S100Z: variants seen among roughly 807,000 people sequenced by gnomAD.
S100Z encodes the protein S100 calcium binding protein Z.
S100Z carries 11 observed loss-of-function variants against 8.5 expected under a neutral mutation model. That is an observed-to-expected ratio of 1.30 (90% confidence interval 0.82 to 2.15). The LOEUF is 2.15. Ranked by LOEUF, S100Z falls within the 30% of genes most tolerant of loss-of-function variation. The pLI is 0.00. For synonymous variants in S100Z, 34 were observed against 43.8 expected (o/e 0.78, Z 0.89); for missense variants, 126 against 117.9 (o/e 1.07, Z -0.32).
intron 1 of S100Z, among the ~76,000 whole-genome samples, chr5:76,854,345 T>A (rs1453439681): frequency 6.6e-6 from 1 of 152,170 alleles, no homozygotes; most frequent in African/African-American, 2.4e-5. Context: ...ACTTGTTGAA[T>A]GGTAGTGACC....
At chr5:76,948,690 AG>A in the S100Z span, 1 of 152,216 alleles carries the variant, frequency 6.6e-6, no homozygotes, top group African/African-American at 2.4e-5. Flanking sequence ...AAGTGCTGGC[AG>A]GGAAAAAAGG....
chr5:76,907,031 T>C (rs1230315582), intron 4 of S100Z, among the ~76,000 whole-genome samples: 1 of 136,074 alleles, frequency 7.3e-6, no homozygotes, highest in Non-Finnish European at 1.5e-5. Flanking sequence ...TATACATATA[T>C]ATATACCAAA....
downstream of S100Z, among the ~76,000 whole-genome samples, chr5:76,924,634 G>T (rs1390093014): frequency 6.6e-6 from 1 of 152,222 alleles, no homozygotes; most frequent in Non-Finnish European, 1.5e-5. Context: ...TATGGGCCGG[G>T]TGTGGTGGCT....
In S100Z at chr5:76,875,350, T is replaced by C; in HGVS notation, c.-10T>C. On this transcript the variant is annotated 5_prime_UTR_variant, in exon 3 of 5. Transcript: ENST00000317593. ...GGCCTGCTTCTGGAGTGGTCAGTTC[T>C]GCTGCCGACATGCCCACCCAGCTCG... 1 of 1,609,308 alleles carries C rather than the reference T, an allele frequency of 6.2e-7. No homozygotes were observed. The highest frequency in any genetic ancestry group is 8.5e-7 in the Non-Finnish European group (1 of 1,177,676).
At chr5:76,889,222 G>T (rs1447478705) in intron 4 of S100Z, among the ~76,000 whole-genome samples, 1 of 151,988 alleles carries the variant, frequency 6.6e-6, no homozygotes, top group Non-Finnish European at 1.5e-5. Flanking sequence ...CTTCTTTCTT[G>T]CCCCTTCTTG....
chr5:76,938,487 A>G, the S100Z span, among the ~76,000 whole-genome samples: 1 of 152,348 alleles, frequency 6.6e-6, no homozygotes, highest in African/African-American at 2.4e-5. Flanking sequence ...GGAGAGAGCC[A>G]GAGGAACTTT....
intron 4 of S100Z, among the ~76,000 whole-genome samples, chr5:76,879,710 G>A (rs1743326517): frequency 6.6e-6 from 1 of 152,184 alleles, no homozygotes; most frequent in South Asian, 2.1e-4. Context: ...ACAGTTTGCT[G>A]TAAAGAAAAG....
intron 4 of S100Z, among the ~76,000 whole-genome samples, chr5:76,890,627 GAC>G (rs1743825465): frequency 6.6e-6 from 1 of 152,100 alleles, no homozygotes; most frequent in South Asian, 2.1e-4. Context: ...TAGCCTGGGT[GAC>G]AGAGTAAGAC....
the S100Z span, among the ~76,000 whole-genome samples, chr5:76,949,069 C>G: frequency 6.6e-6 from 1 of 152,264 alleles, no homozygotes; most frequent in East Asian, 1.9e-4. Flanking sequence ...TGTGACAAAC[C>G]TGCACATGTA....
At chr5:76,892,016 A>G (rs1039511184) in intron 4 of S100Z, among the ~76,000 whole-genome samples, 2 of 152,244 alleles carry the variant, frequency 1.3e-5, no homozygotes, top group African/African-American at 4.8e-5. Context: ...CGAATGATTC[A>G]GAATGAAGGA....
intron 4 of S100Z, among the ~76,000 whole-genome samples, chr5:76,878,452 A>G (rs543250870): frequency 1.3e-5 from 2 of 152,116 alleles, no homozygotes; most frequent in South Asian, 4.1e-4. Flanking sequence ...GTTTGACACT[A>G]TTTCCCACTG....
At chr5:76,896,593 T>C (rs1561242210) in intron 4 of S100Z, among the ~76,000 whole-genome samples, 2 of 152,352 alleles carry the variant, frequency 1.3e-5, no homozygotes, top group East Asian at 3.9e-4. Flanking sequence ...GCTCAATTTT[T>C]AGTTTTTTGA....
At chr5:76,901,712 A>C (rs919339874) in intron 4 of S100Z, among the ~76,000 whole-genome samples, 2 of 152,144 alleles carry the variant, frequency 1.3e-5, no homozygotes, top group Admixed American at 6.5e-5. Flanking sequence ...ATGGTGCTCT[A>C]TTCCCCTGTG....
intron 4 of S100Z, among the ~76,000 whole-genome samples, chr5:76,895,804 C>T (rs1319182807): frequency 8.6e-6 from 1 of 115,686 alleles, no homozygotes; most frequent in Admixed American, 1.2e-4. Flanking sequence ...GAGTTTGGCA[C>T]TGTTGTCCAG....
chr5:76,890,583 G>A (rs552298392), intron 4 of S100Z, among the ~76,000 whole-genome samples: 2 of 152,274 alleles, frequency 1.3e-5, no homozygotes, highest in Non-Finnish European at 2.9e-5. Context: ...CCAGGGGTTT[G>A]AGGCTGCAGT....
intron 1 of S100Z, among the ~76,000 whole-genome samples, chr5:76,855,682 G>A (rs544868551): frequency 6.6e-6 from 1 of 152,298 alleles, no homozygotes; most frequent in South Asian, 2.1e-4. Flanking sequence ...GAAGGGAGTT[G>A]CCTTGTCTCA....
At chr5:76,859,777 A>AAAAAAAAAAAG (rs1172952816) in intron 1 of S100Z, among the ~76,000 whole-genome samples, 1 of 150,972 alleles carries the variant, frequency 6.6e-6, no homozygotes, top group Non-Finnish European at 1.5e-5. Flanking sequence ...CCAAAAAAAA[A>AAAAAAAAAAAG]AAAAAAAAGA....
chr5:76,899,511 C>T (rs374989017), intron 4 of S100Z, among the ~76,000 whole-genome samples: 109 of 150,296 alleles, frequency 7.3e-4, no homozygotes, highest in African/African-American at 2.5e-3. Flanking sequence ...TTTTGTGTAT[C>T]CATTGCATAT....
chr5:76,880,304 T>C (rs375429775), intron 4 of S100Z, among the ~76,000 whole-genome samples: 63 of 152,340 alleles, frequency 4.1e-4, no homozygotes, highest in African/African-American at 1.5e-3. Context: ...TGGGATATGA[T>C]GGCTTAGCTT....
Sources: gnomAD v4.1 joint callset for allele counts (sites outside exome capture counted in the v4.1 genomes callset) on GRCh38, gnomAD v4.1.1 for gene constraint, MANE v1.5 for transcripts, NCBI Gene and HGNC (gene_info 2026-07-23, HGNC 2026-07-21) for gene names.